Variants in UNC13B observed in about 807,000 individuals in gnomAD.
UNC13B encodes the protein protein unc-13 homolog B.
A neutral mutation model predicts 211.0 loss-of-function variants in UNC13B; 144 were observed. That is an observed-to-expected ratio of 0.68 (90% CI 0.60 to 0.78). UNC13B has a LOEUF of 0.78. Ranked by LOEUF, UNC13B falls within the 30% of genes least tolerant of loss-of-function variation. The pLI is 0.00. For missense variants in UNC13B, 1,777 were observed against 2,002.0 expected (o/e 0.89, Z 2.14); for synonymous variants, 709 against 725.8 (o/e 0.98, Z 0.37).
chr9:35,254,877 T>A lies in UNC13B; in HGVS notation c.469-4116T>A, dbSNP rs531851688. Among the ~76,000 whole-genome samples, 5 of 128,872 alleles carry A rather than the reference T, an allele frequency of 3.9e-5. No individual in the cohort carries two copies. The East Asian group carries it at 1.0e-3, about 27-fold the overall frequency. 84.5% of individuals were successfully genotyped at this position (128,872 alleles called of 152,430 possible). On this transcript the variant is annotated intron_variant, in intron 6 of 39. Transcript: ENST00000635942. ...AGTGTTGAATTGTTTATACATTATT[T>A]ATATATATTATATATAATATACGTA...
chr9:35,306,285 C>T lies in UNC13B; in HGVS notation c.6881C>T (p.Thr2294Ile). Reference sequence around the variant, plus strand: ...TCCATTAACAACACCATTGAGGTTACCTCCCTTGCAGATGAGCTCAGTGTA... The same window carrying T: ...TCCATTAACAACACCATTGAGGTTATCTCCCTTGCAGATGAGCTCAGTGTA... ...CISINNTIEV[T>I]SLADELSVDK... Residue 2294 changes from threonine (T) to isoleucine (I), a missense_variant, in exon 9 of 40, where the codon ACC becomes ATC. Physicochemically the swap from Thr to Ile is moderately conservative, Grantham distance 89. Coordinates refer to ENST00000635942, the MANE Select transcript of UNC13B (RefSeq NM_001371189.2). 2.5e-6 allele frequency: 1 copy of T among 399,038 alleles called. No individual in the cohort carries two copies. 24.7% of individuals were successfully genotyped at this position (399,038 alleles called of 1,614,324 possible).
intron 11 of UNC13B, chr9:35,360,750 C>T (rs905147208): frequency 6.6e-6 from 1 of 152,238 alleles, no homozygotes; most frequent in African/African-American, 2.4e-5. Flanking sequence ...CTCCTGGTCT[C>T]AATGGATCCT....
intron 7 of UNC13B, among the ~76,000 whole-genome samples, chr9:35,262,791 G>T (rs1473932690): frequency 6.6e-6 from 1 of 151,994 alleles, no homozygotes; most frequent in Non-Finnish European, 1.5e-5. Flanking sequence ...AATTAGTCAG[G>T]CATAGTGGTG....
intron 3 of UNC13B, among the ~76,000 whole-genome samples, chr9:35,233,173 T>C (rs1564082347): frequency 6.6e-6 from 1 of 152,212 alleles, no homozygotes; most frequent in Non-Finnish European, 1.5e-5. Flanking sequence ...CATACCAGTA[T>C]GTTAGCCATA....
chr9:35,189,903 T>G (rs1822560501), intron 1 of UNC13B, among the ~76,000 whole-genome samples: 1 of 152,096 alleles, frequency 6.6e-6, no homozygotes, highest in South Asian at 2.1e-4. Flanking sequence ...GCTCCCAACC[T>G]CAGGTGATCC....
chr9:35,395,199 T>G (rs1017907721), intron 26 of UNC13B, among the ~76,000 whole-genome samples: 2 of 152,174 alleles, frequency 1.3e-5, no homozygotes, highest in African/African-American at 4.8e-5. Context: ...AAGCAACCAC[T>G]GTCATTCATA....
At chr9:35,393,238 C>T (rs962202594) in intron 26 of UNC13B, among the ~76,000 whole-genome samples, 2 of 152,148 alleles carry the variant, frequency 1.3e-5, no homozygotes, top group African/African-American at 4.8e-5. Flanking sequence ...TGAGAGCACA[C>T]AGGAGAACCA....
In UNC13B at chr9:35,205,047, C is replaced by T. The variant is rs904048392; in HGVS notation, c.23-22968C>T. On this transcript the variant is annotated intron_variant, in intron 1 of 39. Coordinates refer to ENST00000635942, the MANE Select transcript of UNC13B (RefSeq NM_001371189.2). ...GGAGTTCTCATGAATGGGTTAACAC[C>T]ATCCCTTGGTGCTATTCTTGTTATA... Among the ~76,000 whole-genome samples, 7 of 152,178 alleles carry T rather than the reference C, an allele frequency of 4.6e-5. No homozygotes were observed. The South Asian group carries it at 1.5e-3, about 32-fold the overall frequency.
intron 11 of UNC13B, among the ~76,000 whole-genome samples, chr9:35,344,369 C>T (rs987705343): frequency 6.6e-6 from 1 of 152,124 alleles, no homozygotes; most frequent in Non-Finnish European, 1.5e-5. Flanking sequence ...TGTAAGCCAT[C>T]AATCTAGAAG....
At chr9:35,228,162 A>G in intron 2 of UNC13B, 118 bp downstream of exon 2, 2 of 956,680 alleles carry the variant, frequency 2.1e-6, no homozygotes, top group Non-Finnish European at 1.5e-6. Context: ...ACTTCACTAA[A>G]TTAATTCATG....
At chr9:35,205,904 C>G (rs1283872757) in intron 1 of UNC13B, among the ~76,000 whole-genome samples, 2 of 152,024 alleles carry the variant, frequency 1.3e-5, no homozygotes, top group African/African-American at 2.4e-5. Context: ...TGAGGTGAGG[C>G]TGGGCACAGT....
chr9:35,366,449 G>A (rs2132156747), intron 11 of UNC13B, among the ~76,000 whole-genome samples: 1 of 152,264 alleles, frequency 6.6e-6, no homozygotes, highest in East Asian at 1.9e-4. Flanking sequence ...CAGTGAGTCA[G>A]AGGTTCAAGG....
chr9:35,231,765 C>T (rs1166523207), intron 3 of UNC13B, among the ~76,000 whole-genome samples: 3 of 151,934 alleles, frequency 2.0e-5, no homozygotes, highest in African/African-American at 7.3e-5. Flanking sequence ...TAGAATTTCT[C>T]GTGTATGACA....
At chr9:35,208,830 C>T (rs1041387068) in intron 1 of UNC13B, among the ~76,000 whole-genome samples, 2 of 152,132 alleles carry the variant, frequency 1.3e-5, no homozygotes, top group Non-Finnish European at 2.9e-5. Context: ...AAATCGAAAC[C>T]ATATCACTCT....
At chr9:35,239,018 TAAGTAC>T (rs1260447222) in intron 5 of UNC13B, among the ~76,000 whole-genome samples, 1 of 152,046 alleles carries the variant, frequency 6.6e-6, no homozygotes, top group Non-Finnish European at 1.5e-5. Context: ...GATCAAAGTA[TAAGTAC>T]ATCATTACTT....
At position 35,310,308 on chromosome 9, in the gene UNC13B, C is replaced by A. The variant is rs184767224; in HGVS notation, c.9009-159C>A. Among the ~76,000 whole-genome samples the A allele has an allele frequency of 4.6e-5, 7 of 152,288 alleles. No homozygotes were observed. In the East Asian group the frequency reaches 1.4e-3, roughly 29 times the overall value. ...CTGTTGTGTTTTCGCTGAATAGAGA[C>A]TAATTCTTCTAGATTATGAAGTTTG... On this transcript the variant is annotated intron_variant, in intron 9 of 39. Coordinates refer to ENST00000635942, the MANE Select transcript of UNC13B (RefSeq NM_001371189.2).
intron 15 of UNC13B, 55 bp downstream of exon 15, chr9:35,376,302 A>G (rs1834407235): frequency 1.9e-6 from 3 of 1,568,430 alleles, no homozygotes; most frequent in Middle Eastern, 4.3e-4. Flanking sequence ...GCTTTCCAAA[A>G]TAGTCTGCAG....
chr9:35,277,446 A>G (rs1019272857), intron 7 of UNC13B, among the ~76,000 whole-genome samples: 1 of 152,192 alleles, frequency 6.6e-6, no homozygotes, highest in Non-Finnish European at 1.5e-5. Flanking sequence ...CCTAGTAGAA[A>G]TGACATTGAA....
Position 35,243,338 on chromosome 9 carries a change from A to C in UNC13B, c.442A>C (p.Ile148Leu). The C allele has an allele frequency of 6.2e-7, 1 of 1,613,510 alleles. No homozygotes were observed. The highest frequency in any genetic ancestry group is 2.2e-5 in the East Asian group (1 of 44,874). ...ATATTGGACCTACAAATGGGAGCAA[A>C]TCAATGCCTTGGGAGCTGACAATGA... The part of the protein sequence containing the change: ...ARYWTYKWEQ[I>L]NALGADNEYS... The change falls in exon 6 of 40, where the codon ATC (isoleucine) becomes CTC (leucine). Residue 148 changes from isoleucine (I) to leucine (L), a missense_variant. By Grantham distance (5) the Ile-to-Leu change is conservative. Coordinates refer to ENST00000635942, the MANE Select transcript of UNC13B (RefSeq NM_001371189.2).
Sources: gnomAD v4.1 joint callset for allele counts (sites outside exome capture counted in the v4.1 genomes callset) on GRCh38, gnomAD v4.1.1 for gene constraint, MANE v1.5 for transcripts, NCBI Gene and HGNC (gene_info 2026-07-23, HGNC 2026-07-21) for gene names.